The following SLIT3 variants were observed in gnomAD, a reference collection of about 807,000 sequenced individuals.
The protein encoded by SLIT3 is slit homolog 3 protein.
A neutral mutation model predicts 184.0 loss-of-function variants in SLIT3; 68 were observed. The ratio of observed to expected loss-of-function variants is 0.37; its 90% confidence interval spans 0.30 to 0.45. The LOEUF (loss-of-function observed/expected upper bound fraction) is 0.45, where lower values mean the gene tolerates loss of function less well. Ranked by LOEUF, SLIT3 falls within the 20% of genes least tolerant of loss-of-function variation. The probability of loss-of-function intolerance (pLI) is 1.00; values close to 1 mark genes in which losing one functional copy is unlikely to be tolerated. For missense variants in SLIT3, 1,707 were observed against 2,026.0 expected, an observed-to-expected ratio of 0.84 and a Z score of 3.02; for synonymous variants, 831 against 828.6, an observed-to-expected ratio of 1.00 and a Z score of -0.05.
chr5:168,904,493 A>AATAATAATG (rs1373160832), intron 4 of SLIT3, among the ~76,000 whole-genome samples: 2 of 121,754 alleles, frequency 1.6e-5, no homozygotes, highest in Non-Finnish European at 1.7e-5. Context: ...AAATAACAAT[A>AATAATAATG]ATAATAATAA....
At chr5:169,184,060 T>C (rs1264853726) in intron 4 of SLIT3, among the ~76,000 whole-genome samples, 2 of 152,230 alleles carry the variant, frequency 1.3e-5, no homozygotes, top group Non-Finnish European at 2.9e-5. Flanking sequence ...AACTCTACCT[T>C]TGATAAATTG....
chr5:169,150,728 C>T (rs770378017), intron 4 of SLIT3, among the ~76,000 whole-genome samples: 1 of 152,112 alleles, frequency 6.6e-6, no homozygotes, highest in Non-Finnish European at 1.5e-5. Context: ...TGACCTTGAA[C>T]AAGAACTTGA....
intron 4 of SLIT3, among the ~76,000 whole-genome samples, chr5:169,151,376 T>A (rs1016440864): frequency 6.6e-6 from 1 of 152,170 alleles, no homozygotes; most frequent in African/African-American, 2.4e-5. Flanking sequence ...CCATCCATAG[T>A]ACCACTGCGA....
chr5:168,744,018 A>C (rs1200948251), intron 20 of SLIT3, among the ~76,000 whole-genome samples: 1 of 152,186 alleles, frequency 6.6e-6, no homozygotes, highest in East Asian at 1.9e-4. Flanking sequence ...GGCTGGGCGC[A>C]GCGGCTCACA....
intron 4 of SLIT3, among the ~76,000 whole-genome samples, chr5:169,064,672 C>A (rs544392873): frequency 1.3e-5 from 2 of 152,310 alleles, no homozygotes; most frequent in South Asian, 4.1e-4. Flanking sequence ...CTTGTGACTG[C>A]AGCTACAAGA....
At chr5:169,047,481 G>A (rs533538020) in intron 4 of SLIT3, among the ~76,000 whole-genome samples, 11 of 151,436 alleles carry the variant, frequency 7.3e-5, no homozygotes, top group East Asian at 3.9e-4. Flanking sequence ...AGGTCTTCAC[G>A]GCAGACTGGA....
intron 4 of SLIT3, among the ~76,000 whole-genome samples, chr5:169,094,997 A>T (rs2113213243): frequency 6.6e-6 from 1 of 152,318 alleles, no homozygotes; most frequent in East Asian, 1.9e-4. Flanking sequence ...ACTCACGGTC[A>T]CCACCTTAAA....
At chr5:168,843,348 A>G (rs568511219) in intron 6 of SLIT3, among the ~76,000 whole-genome samples, 2 of 152,292 alleles carry the variant, frequency 1.3e-5, no homozygotes, top group Admixed American at 1.3e-4. Flanking sequence ...AATGCTTCAA[A>G]ATATTCATTC....
chr5:168,668,492 T>TCTCCCTGCAG (rs1192368340), intron 35 of SLIT3, among the ~76,000 whole-genome samples: 1 of 152,186 alleles, frequency 6.6e-6, no homozygotes, highest in African/African-American at 2.4e-5. Flanking sequence ...GCTCATGTGT[T>TCTCCCTGCAG]CTCCCTGCAG....
intron 9 of SLIT3, among the ~76,000 whole-genome samples, chr5:168,800,046 G>A (rs1193310321): frequency 6.6e-6 from 1 of 152,024 alleles, no homozygotes; most frequent in East Asian, 1.9e-4. Flanking sequence ...GGGAACTCTT[G>A]TTAGGATGTC....
In SLIT3 at chr5:169,079,162, G is replaced by T. The variant is rs1463065332; in HGVS notation, c.413+114317C>A. On this transcript the variant is annotated intron_variant, in intron 4 of 35. Coordinates refer to ENST00000519560, the MANE Select transcript of SLIT3 (RefSeq NM_003062.4). ...TATCTCAAGGCAATGAATCACTGAT[G>T]AATTCTTTCCTTTTCTATCTGGGAG... 2.0e-5 allele frequency among the ~76,000 whole-genome samples: 3 copies of T among 152,274 alleles called. No homozygotes were observed. In the East Asian group the frequency reaches 5.8e-4, roughly 29 times the overall value.
intron 4 of SLIT3, among the ~76,000 whole-genome samples, chr5:168,900,827 G>A (rs1760840694): frequency 6.6e-6 from 1 of 152,158 alleles, no homozygotes; most frequent in African/African-American, 2.4e-5. Flanking sequence ...GGATGGAACT[G>A]GAGGTCATTA....
At chr5:168,978,365 T>G (rs1318662458) in intron 4 of SLIT3, among the ~76,000 whole-genome samples, 1 of 152,232 alleles carries the variant, frequency 6.6e-6, no homozygotes, top group Admixed American at 6.5e-5. Flanking sequence ...AAACAGATGT[T>G]GTGAATGTTT....
chr5:169,065,916 C>T (rs150427926), intron 4 of SLIT3, among the ~76,000 whole-genome samples: 26 of 152,320 alleles, frequency 1.7e-4, no homozygotes, highest in Non-Finnish European at 3.4e-4. Flanking sequence ...CTCTTAATGG[C>T]TGCCATCCTT....
intron 4 of SLIT3, among the ~76,000 whole-genome samples, chr5:169,125,445 G>A (rs1255281787): frequency 1.3e-5 from 2 of 152,222 alleles, no homozygotes; most frequent in Non-Finnish European, 2.9e-5. Context: ...CTTGTAGTTA[G>A]GATGAAGATA....
intron 4 of SLIT3, among the ~76,000 whole-genome samples, chr5:168,987,491 CA>C (rs1366593015): frequency 3.9e-5 from 6 of 152,234 alleles, no homozygotes; most frequent in Non-Finnish European, 7.3e-5. Context: ...CTCTGAGTGT[CA>C]GTTTCCTCAT....
intron 4 of SLIT3, among the ~76,000 whole-genome samples, chr5:169,160,980 A>T (rs1365985771): frequency 6.6e-6 from 1 of 152,226 alleles, no homozygotes; most frequent in Non-Finnish European, 1.5e-5. Flanking sequence ...CTTTGAGATC[A>T]TGCGAATCCC....
intron 6 of SLIT3, among the ~76,000 whole-genome samples, chr5:168,834,686 CAAAAAAAAAAAAAAAAAAAAA>C (rs540528948): frequency 2.9e-4 from 11 of 37,426 alleles, no homozygotes; most frequent in East Asian, 1.9e-3. Context: ...GACTCTGTCT[CAAAAAAAAAAAAAAAAAAAAA>C]AAAAAAAAAA....
intron 14 of SLIT3, among the ~76,000 whole-genome samples, chr5:168,770,890 C>T (rs1035454241): frequency 6.6e-6 from 1 of 151,756 alleles, no homozygotes; most frequent in African/African-American, 2.4e-5. Flanking sequence ...TATAGCCCCA[C>T]CCCCACCTTG....
Sources: allele counts gnomAD v4.1 joint callset (sites outside exome capture counted in the v4.1 genomes callset), GRCh38; gene constraint gnomAD v4.1.1; transcripts MANE v1.5; gene names NCBI Gene and HGNC (gene_info 2026-07-23, HGNC 2026-07-21).